SLCO1A2: variants seen among roughly 807,000 people sequenced by gnomAD.
SLCO1A2 encodes the protein OATP-1.
Under a neutral mutation model 69.0 loss-of-function variants are expected in SLCO1A2, and 67 were observed. The observed-to-expected ratio is 0.97, with a 90% CI of 0.80 to 1.19. The LOEUF (loss-of-function observed/expected upper bound fraction) is 1.19. SLCO1A2 is among the 50% of genes most tolerant of loss of function. The probability of loss-of-function intolerance (pLI) is 0.00; values close to 1 mark genes in which losing one functional copy is unlikely to be tolerated. For synonymous variants in SLCO1A2, 260 were observed against 265.9 expected, an observed-to-expected ratio of 0.98 and a Z score of 0.22; for missense variants, 787 against 793.7, an observed-to-expected ratio of 0.99 and a Z score of 0.10.
Position 21,266,074 on chromosome 12 carries a change from C to T in SLCO1A2, c.*3474G>A, listed in dbSNP as rs190603900. On this transcript the variant is annotated 3_prime_UTR_variant, in exon 15 of 15. Coordinates refer to ENST00000683939, the MANE Select transcript of SLCO1A2 (RefSeq NM_001386879.1). Reference sequence around the variant, plus strand: ...AAGGGCTACAAAGCCAAATTATTTACATTCTGAAAATGGGGATGCATGAGA... The same window carrying T: ...AAGGGCTACAAAGCCAAATTATTTATATTCTGAAAATGGGGATGCATGAGA... 1.5e-3 allele frequency: 235 copies of T among 152,182 alleles called. 1 individual carries two copies. The highest frequency in any genetic ancestry group is 5.3e-3 in the African/African-American group (222 of 41,520). The allele number at this position is 152,182 out of a possible 1,614,324, so 9.4% of individuals were successfully genotyped here. A position where few individuals can be genotyped will look rare whatever the true frequency, so the allele number is the denominator to read the frequency against.
At chr12:21,407,346 C>T (rs761094460) in intron 1 of SLCO1A2, among the ~76,000 whole-genome samples, 12 of 151,970 alleles carry the variant, frequency 7.9e-5, no homozygotes, top group African/African-American at 2.7e-4. Flanking sequence ...TTATCCTCAC[C>T]GAGGGGAAAG....
At chr12:21,327,732 C>T (rs1360037874) in intron 2 of SLCO1A2, among the ~76,000 whole-genome samples, 1 of 152,020 alleles carries the variant, frequency 6.6e-6, no homozygotes, top group African/African-American at 2.4e-5. Flanking sequence ...TGCCTGTATC[C>T]CCATTGTATC....
chr12:21,348,450 C>T (rs1937673482), intron 2 of SLCO1A2, among the ~76,000 whole-genome samples: 1 of 152,136 alleles, frequency 6.6e-6, no homozygotes, highest in South Asian at 2.1e-4. Context: ...TCCATGAGTT[C>T]TACTGTTTCG....
chr12:21,353,575 G>T (rs1050898372), intron 2 of SLCO1A2, among the ~76,000 whole-genome samples: 12 of 152,148 alleles, frequency 7.9e-5, no homozygotes, highest in African/African-American at 2.9e-4. Flanking sequence ...ATTATATCCC[G>T]TTTGTTCTCC....
Position 21,292,185 on chromosome 12 carries a change from G to A in SLCO1A2, c.1589C>T (p.Pro530Leu). 1 of 1,603,280 alleles carries A rather than the reference G, an allele frequency of 6.2e-7. No homozygotes were observed. Among genetic ancestry groups the A allele is most frequent in the Non-Finnish European group, 8.5e-7 (1 of 1,174,450 alleles). Reference sequence around the variant, plus strand: ...GTACCTCAAGAGAACCATATATCCAGGTATGGCAGCCAAAGAATAAATGAA... The same window carrying A: ...GTACCTCAAGAGAACCATATATCCAAGTATGGCAGCCAAAGAATAAATGAA... ...SSFIYSLAAI[P>L]GYMVLLRCMK... Residue 530 changes from proline (P) to leucine (L), a missense_variant, in exon 12 of 15, where the codon CCT becomes CTT. Physicochemically the swap from Pro to Leu is moderately conservative, Grantham distance 98. Transcript: ENST00000683939.
intron 12 of SLCO1A2, among the ~76,000 whole-genome samples, chr12:21,289,579 C>A (rs1946511310): frequency 6.6e-6 from 1 of 152,046 alleles, no homozygotes; most frequent in Admixed American, 6.6e-5. Context: ...TATCCACATG[C>A]CAGGAGAGTG....
upstream of SLCO1A2, among the ~76,000 whole-genome samples, chr12:21,398,710 G>A (rs1429023679): frequency 1.8e-4 from 27 of 150,500 alleles, no homozygotes; most frequent in Admixed American, 6.0e-4. Flanking sequence ...GGGATGCAAG[G>A]CTGGTTCAAT....
intron 1 of SLCO1A2, among the ~76,000 whole-genome samples, chr12:21,400,886 G>C (rs867463097): frequency 0.015 from 1,592 of 105,008 alleles, 27 homozygotes; most frequent in African/African-American, 0.052. Flanking sequence ...GTGGGGTGGG[G>C]GGAGGGGGGA....
chr12:21,357,507 G>C (rs1277758852), intron 2 of SLCO1A2, among the ~76,000 whole-genome samples: 1 of 152,178 alleles, frequency 6.6e-6, no homozygotes, highest in African/African-American at 2.4e-5. Flanking sequence ...GCCACATGGT[G>C]TTGCAGCACT....
intron 10 of SLCO1A2, chr12:21,295,116 A>C (rs1947504318): frequency 6.6e-6 from 1 of 152,314 alleles, no homozygotes; most frequent in African/African-American, 2.4e-5. Context: ...AGCAATATAA[A>C]TGAAATATAT....
At position 21,393,855 on chromosome 12, in the gene SLCO1A2, G is replaced by A. The variant is rs189190847; in HGVS notation, c.-190+1051C>T. Among the ~76,000 whole-genome samples, 686 of 152,260 alleles carry A rather than the reference G, an allele frequency of 4.5e-3. 1 individual carries two copies. The highest frequency in any genetic ancestry group is 0.012 in the Admixed American group (191 of 15,284). ...TCAATTGACAGTAATTTTTGATATT[G>A]CAACACAATTTGAATTTTGACATGT... On this transcript the variant is annotated intron_variant, in intron 1 of 15. Coordinates refer to the SLCO1A2 transcript ENST00000307378.
At chr12:21,371,364 C>T (rs1370516641) in intron 2 of SLCO1A2, among the ~76,000 whole-genome samples, 2 of 151,948 alleles carry the variant, frequency 1.3e-5, no homozygotes, top group African/African-American at 2.4e-5. Flanking sequence ...AGTACATTAT[C>T]TTCTTACGGA....
intron 12 of SLCO1A2, 31 bp from the exon 13 acceptor site, chr12:21,275,455 AAAAAT>A: frequency 7.1e-7 from 1 of 1,415,064 alleles, no homozygotes; most frequent in South Asian, 1.5e-5. Flanking sequence ...TAAATAAAAG[AAAAAT>A]AAAGATTTAA....
chr12:21,369,782 T>C (rs1425242119), intron 2 of SLCO1A2, among the ~76,000 whole-genome samples: 1 of 152,192 alleles, frequency 6.6e-6, no homozygotes, highest in Non-Finnish European at 1.5e-5. Context: ...ATTCACACTT[T>C]GACTTAGCAA....
intron 2 of SLCO1A2, among the ~76,000 whole-genome samples, chr12:21,354,003 T>C (rs1317612727): frequency 6.6e-6 from 1 of 152,186 alleles, no homozygotes; most frequent in African/African-American, 2.4e-5. Context: ...TTTGAAAAAG[T>C]TACTTAACCT....
intron 1 of SLCO1A2, among the ~76,000 whole-genome samples, chr12:21,401,637 T>C (rs1349668247): frequency 6.6e-6 from 1 of 151,874 alleles, no homozygotes; most frequent in Admixed American, 6.6e-5. Flanking sequence ...AATCATTTTA[T>C]ATTTTGTTTA....
intron 2 of SLCO1A2, among the ~76,000 whole-genome samples, chr12:21,367,742 A>G (rs1305378971): frequency 6.6e-6 from 1 of 152,132 alleles, no homozygotes. Flanking sequence ...CAAAGTACCG[A>G]GACTACAAGA....
intron 11 of SLCO1A2, 150 bp from the exon 12 acceptor site, chr12:21,292,486 A>G (rs1285433170): frequency 6.3e-6 from 3 of 478,980 alleles, no homozygotes; most frequent in African/African-American, 3.9e-5. Context: ...ACACCATATA[A>G]CAAAACTGGA....
chr12:21,376,157 A>G (rs1940176909), intron 1 of SLCO1A2, among the ~76,000 whole-genome samples: 1 of 152,158 alleles, frequency 6.6e-6, no homozygotes, highest in Non-Finnish European at 1.5e-5. Context: ...ACAATTTTAA[A>G]TTATATTATT....
Sources: gnomAD v4.1 joint callset for allele counts (sites outside exome capture counted in the v4.1 genomes callset) on GRCh38, gnomAD v4.1.1 for gene constraint, MANE v1.5 for transcripts, NCBI Gene and HGNC (gene_info 2026-07-23, HGNC 2026-07-21) for gene names.